EBAG9: variants seen among roughly 807,000 people sequenced by gnomAD.
The protein encoded by EBAG9 is estrogen receptor binding site associated antigen 9, also known as receptor-binding cancer antigen expressed on SiSo cells.
EBAG9 carries 16 observed loss-of-function variants against 30.9 expected under a neutral mutation model. The observed-to-expected ratio is 0.52, with a 90% CI of 0.35 to 0.79. The LOEUF (loss-of-function observed/expected upper bound fraction) is 0.79. Ranked by LOEUF, EBAG9 falls within the 30% of genes least tolerant of loss-of-function variation. The pLI, the probability that EBAG9 is intolerant of heterozygous loss-of-function variation, is 0.01. For missense variants in EBAG9, 197 were observed against 242.1 expected, an observed-to-expected ratio of 0.81 and a Z score of 1.24; for synonymous variants, 93 against 82.8, an observed-to-expected ratio of 1.12 and a Z score of -0.67.
intron 2 of EBAG9, among the ~76,000 whole-genome samples, chr8:109,552,872 G>C (rs1821521208): frequency 1.3e-5 from 2 of 152,182 alleles, no homozygotes; most frequent in African/African-American, 4.8e-5. Flanking sequence ...GAGGGGGTAG[G>C]ATAGCTTGAG....
At chr8:109,554,516 A>G (rs1397542075) in intron 3 of EBAG9, among the ~76,000 whole-genome samples, 2 of 152,194 alleles carry the variant, frequency 1.3e-5, no homozygotes, top group East Asian at 3.8e-4. Context: ...GATGGACATA[A>G]TAGAATAAAA....
At chr8:109,563,616 G>A in intron 6 of EBAG9, 3 of 1,375,468 alleles carry the variant, frequency 2.2e-6, no homozygotes, top group Non-Finnish European at 2.9e-6. Context: ...AGGGGGACAT[G>A]TGCAGGATGT....
intron 1 of EBAG9, among the ~76,000 whole-genome samples, chr8:109,550,073 G>A (rs1190139707): frequency 2.6e-5 from 4 of 152,004 alleles, no homozygotes; most frequent in Non-Finnish European, 5.9e-5. Flanking sequence ...TATTGATATG[G>A]TTAGATTTAC....
intron 1 of EBAG9, among the ~76,000 whole-genome samples, chr8:109,541,514 G>C (rs1467721557): frequency 6.6e-6 from 1 of 152,144 alleles, no homozygotes; most frequent in African/African-American, 2.4e-5. Flanking sequence ...TGAGGTGATC[G>C]AACATTGTCT....
chr8:109,546,295 A>G (rs1432945050), intron 1 of EBAG9, among the ~76,000 whole-genome samples: 1 of 152,162 alleles, frequency 6.6e-6, no homozygotes, highest in Admixed American at 6.5e-5. Context: ...TTTGAGCTCT[A>G]ATTGAAATGC....
intron 2 of EBAG9, among the ~76,000 whole-genome samples, chr8:109,552,539 G>A (rs1821514875): frequency 6.6e-6 from 1 of 152,142 alleles, no homozygotes; most frequent in African/African-American, 2.4e-5. Context: ...AAGAAGCATT[G>A]TGTTAACAGT....
intron 5 of EBAG9, among the ~76,000 whole-genome samples, chr8:109,559,042 TC>T (rs1821660323): frequency 6.6e-6 from 1 of 151,446 alleles, no homozygotes; most frequent in Admixed American, 6.6e-5. Flanking sequence ...TTAAAAAAAA[TC>T]TAAATATTTT....
intron 1 of EBAG9, chr8:109,550,300 T>C (rs965713881): frequency 7.2e-5 from 11 of 153,314 alleles, no homozygotes; most frequent in African/African-American, 2.7e-4. Context: ...TGTGAACCAC[T>C]GGACTAAATG....
chr8:109,541,066 A>G (rs928293574), intron 1 of EBAG9, among the ~76,000 whole-genome samples: 1 of 152,072 alleles, frequency 6.6e-6, no homozygotes, highest in African/African-American at 2.4e-5. Flanking sequence ...TTCCGTTAAC[A>G]TGGCAGAGCT....
chr8:109,562,388 G>T (rs1821728630), intron 6 of EBAG9, among the ~76,000 whole-genome samples: 1 of 152,108 alleles, frequency 6.6e-6, no homozygotes, highest in South Asian at 2.1e-4. Flanking sequence ...GAGTGAGATT[G>T]TTAATCCGTA....
At chr8:109,559,186 G>GTGTT (rs1249198427) in intron 5 of EBAG9, among the ~76,000 whole-genome samples, 3 of 152,160 alleles carry the variant, frequency 2.0e-5, no homozygotes, top group African/African-American at 7.2e-5. Context: ...GCCCAGTGAG[G>GTGTT]TGTTACATGC....
chr8:109,564,530 C>T lies in EBAG9; in HGVS notation c.613C>T (p.Gln205Ter). 1 of 1,612,286 alleles carries T rather than the reference C, an allele frequency of 6.2e-7. No individual in the cohort carries two copies. Among genetic ancestry groups the T allele is most frequent in the Non-Finnish European group, 8.5e-7 (1 of 1,178,788 alleles). Residue 205 changes from glutamine to a stop codon, truncating the protein, a stop_gained, in exon 7 of 7, where the codon CAA (glutamine) becomes TAA (stop). Transcript: ENST00000337573. LOFTEE classifies it high-confidence loss of function. Reference protein sequence around the residue: ...KEAQRLMKKEQNKIGVKLS With the variant: ...KEAQRLMKKE ...AGCACAACGGCTAATGAAGAAGGAACAAAACAAAATTGGTGTGAAACTTTC... is the reference window on the plus strand; with the variant it reads ...AGCACAACGGCTAATGAAGAAGGAATAAAACAAAATTGGTGTGAAACTTTC...
At chr8:109,550,958 G>A in intron 2 of EBAG9, 51 bp downstream of exon 2, 1 of 1,294,726 alleles carries the variant, frequency 7.7e-7, no homozygotes, top group Non-Finnish European at 1.1e-6. Context: ...CGCTGGTTTT[G>A]GATACCTTCA....
chr8:109,560,675 A>G lies in EBAG9; in HGVS notation c.430-163A>G, dbSNP rs1821692343. 2.0e-5 allele frequency among the ~76,000 whole-genome samples: 3 copies of G among 152,190 alleles called. No individual in the cohort carries two copies. In the South Asian group the frequency reaches 6.2e-4, roughly 31 times the overall value. On this transcript the variant is annotated intron_variant, in intron 5 of 6. Transcript: ENST00000337573. ...TCATACATCAGTTCTAGGCAAGCCA[A>G]AAGCAAAATCATCTGTGCCTTGTAT...
At chr8:109,544,058 G>A (rs1335755873) in intron 1 of EBAG9, among the ~76,000 whole-genome samples, 1 of 148,542 alleles carries the variant, frequency 6.7e-6, no homozygotes, top group Admixed American at 6.7e-5. Flanking sequence ...AAAAAAGTAT[G>A]TTATAGTACA....
chr8:109,560,299 T>A (rs931675658), intron 5 of EBAG9, among the ~76,000 whole-genome samples: 1 of 152,178 alleles, frequency 6.6e-6, no homozygotes, highest in Non-Finnish European at 1.5e-5. Flanking sequence ...AAATTTTGCA[T>A]GATTTGTCAT....
chr8:109,553,615 T>G (rs1385796028), intron 2 of EBAG9, among the ~76,000 whole-genome samples: 1 of 152,180 alleles, frequency 6.6e-6, no homozygotes, highest in Non-Finnish European at 1.5e-5. Context: ...CCTCTTGAGT[T>G]TGTTTATAAT....
chr8:109,561,493 T>G (rs891553325), intron 6 of EBAG9, among the ~76,000 whole-genome samples: 1 of 152,058 alleles, frequency 6.6e-6, no homozygotes, highest in Admixed American at 6.6e-5. Context: ...TTGTTCTTTT[T>G]TGTGTGTGAG....
intron 1 of EBAG9, among the ~76,000 whole-genome samples, chr8:109,541,963 T>C (rs1024500863): frequency 1.3e-5 from 2 of 152,220 alleles, no homozygotes; most frequent in Non-Finnish European, 2.9e-5. Flanking sequence ...GTAGTATCAC[T>C]GAATTATTAA....
Sources: allele counts gnomAD v4.1 joint callset (sites outside exome capture counted in the v4.1 genomes callset), GRCh38; gene constraint gnomAD v4.1.1; transcripts MANE v1.5; gene names NCBI Gene and HGNC (gene_info 2026-07-23, HGNC 2026-07-21).